NTNG1: variants seen among roughly 807,000 people sequenced by gnomAD.
NTNG1 encodes netrin-G1.
A neutral mutation model predicts 54.0 loss-of-function variants in NTNG1; 16 were observed. The observed-to-expected ratio is 0.30, with a 90% CI of 0.20 to 0.45. The LOEUF is 0.45. NTNG1 is among the 20% of genes least tolerant of loss of function. The pLI is 1.00. For synonymous variants in NTNG1, 255 were observed against 263.1 expected (o/e 0.97, Z 0.30); for missense variants, 530 against 678.7 (o/e 0.78, Z 2.43).
Position 107,369,371 on chromosome 1 carries a change from A to G in NTNG1, c.888-25783A>G, listed in dbSNP as rs577197920. ...TACGTTACATTCGCACTCACAGTGT[A>G]TGAGAGTTCCAGTTCCTCCACATCC... On this transcript the variant is annotated intron_variant, in intron 3 of 7. Coordinates refer to ENST00000370068, the MANE Select transcript of NTNG1 (RefSeq NM_001113226.3). Among the ~76,000 whole-genome samples the G allele has an allele frequency of 3.9e-5, 6 of 152,286 alleles. No individual in the cohort carries two copies. In the East Asian group the frequency reaches 1.2e-3, roughly 29 times the overall value.
At chr1:107,346,884 T>TAAAAAAAAAAAAAAAAAAAAAAA (rs537482440) in intron 3 of NTNG1, among the ~76,000 whole-genome samples, 1 of 97,142 alleles carries the variant, frequency 1.0e-5, no homozygotes, top group African/African-American at 3.9e-5. Flanking sequence ...TTTTCTATCC[T>TAAAAAAAAAAAAAAAAAAAAAAA]AAAAAAAAAA....
At chr1:107,248,860 A>G (rs1371012083) in intron 2 of NTNG1, among the ~76,000 whole-genome samples, 1 of 151,982 alleles carries the variant, frequency 6.6e-6, no homozygotes, top group Non-Finnish European at 1.5e-5. Flanking sequence ...TTGAAATGTA[A>G]AAGTTAGGCC....
At chr1:107,216,136 A>G (rs1401222766) in intron 2 of NTNG1, among the ~76,000 whole-genome samples, 1 of 152,106 alleles carries the variant, frequency 6.6e-6, no homozygotes, top group African/African-American at 2.4e-5. Flanking sequence ...GATGCCCCTT[A>G]TTTCTTTCTC....
chr1:107,330,187 C>T (rs1447646231), intron 3 of NTNG1, among the ~76,000 whole-genome samples: 1 of 152,044 alleles, frequency 6.6e-6, no homozygotes, highest in African/African-American at 2.4e-5. Context: ...AGATGTTCTA[C>T]CATCTTCCCT....
At chr1:107,227,378 C>A (rs1660755816) in intron 2 of NTNG1, among the ~76,000 whole-genome samples, 1 of 152,106 alleles carries the variant, frequency 6.6e-6, no homozygotes, top group African/African-American at 2.4e-5. Context: ...TAGGACTCAA[C>A]CTTGAGCTGG....
intron 7 of NTNG1, among the ~76,000 whole-genome samples, chr1:107,465,185 C>G (rs1677524937): frequency 6.6e-6 from 1 of 152,066 alleles, no homozygotes; most frequent in African/African-American, 2.4e-5. Flanking sequence ...ATGCAGAAGC[C>G]ACGTGAAAAA....
chr1:107,474,333 A>T (rs577375074), intron 7 of NTNG1, among the ~76,000 whole-genome samples: 6 of 152,220 alleles, frequency 3.9e-5, no homozygotes, highest in Non-Finnish European at 5.9e-5. Flanking sequence ...CCAAGTAAAA[A>T]GTGTGATCAC....
chr1:107,480,737 G>A lies in NTNG1; in HGVS notation c.1517G>A (p.Gly506Asp). 7 of 1,609,322 alleles carry A rather than the reference G, an allele frequency of 4.3e-6. No homozygotes were observed. The highest frequency in any genetic ancestry group is 5.9e-6 in the Non-Finnish European group (7 of 1,179,224). ...GAGAAGCTGCGGTGCGAGGAGGCTG[G>A]CAGCTGCGGCTCCGACTCTGGCCAG... ...LCEKLRCEEAGSCGSDSGQGA... is the reference protein window; with the variant it reads ...LCEKLRCEEADSCGSDSGQGA... The change falls in exon 8 of 8, where the codon GGC (glycine) becomes GAC (aspartate). Residue 506 changes from glycine (G) to aspartate (D), a missense_variant. Coordinates refer to ENST00000370068, the MANE Select transcript of NTNG1 (RefSeq NM_001113226.3).
chr1:107,257,741 C>A (rs1663022672), intron 2 of NTNG1, among the ~76,000 whole-genome samples: 1 of 152,044 alleles, frequency 6.6e-6, no homozygotes, highest in Admixed American at 6.5e-5. Context: ...AGCCAGAGAC[C>A]CAGAGTAGGG....
At chr1:107,327,022 G>A (rs1034333323) in intron 3 of NTNG1, among the ~76,000 whole-genome samples, 1 of 152,096 alleles carries the variant, frequency 6.6e-6, no homozygotes, top group East Asian at 1.9e-4. Context: ...CATTTCAGTG[G>A]TTCTGAGGAG....
At chr1:107,172,736 A>G (rs1570759684) in intron 2 of NTNG1, among the ~76,000 whole-genome samples, 1 of 152,190 alleles carries the variant, frequency 6.6e-6, no homozygotes, top group Admixed American at 6.6e-5. Context: ...TTTGCCTTAC[A>G]TTATAGACTC....
intron 6 of NTNG1, among the ~76,000 whole-genome samples, chr1:107,432,463 G>T (rs1675329807): frequency 6.6e-6 from 1 of 152,182 alleles, no homozygotes; most frequent in African/African-American, 2.4e-5. Context: ...TATGGTATGT[G>T]TTTTGGATGA....
In NTNG1 at chr1:107,484,686, A is replaced by G. The variant is rs551256932; in HGVS notation, c.*3846A>G. 1.3e-5 allele frequency among the ~76,000 whole-genome samples: 2 copies of G among 152,338 alleles called. No homozygotes were observed. The highest frequency in any genetic ancestry group is 3.9e-4 in the East Asian group (2 of 5,176). On this transcript the variant is annotated 3_prime_UTR_variant, in exon 8 of 8. Coordinates refer to ENST00000370068, the MANE Select transcript of NTNG1 (RefSeq NM_001113226.3). ...CTTGGACCTGTGGTCTGACTGGAGT[A>G]TAAGAAATTTTGGATGCACTGGGGG...
At chr1:107,213,974 C>G (rs1659771129) in intron 2 of NTNG1, among the ~76,000 whole-genome samples, 1 of 152,080 alleles carries the variant, frequency 6.6e-6, no homozygotes, top group South Asian at 2.1e-4. Context: ...TACAATCCTT[C>G]ATCAGACATA....
At chr1:107,463,890 A>G (rs1677436310) in intron 7 of NTNG1, among the ~76,000 whole-genome samples, 1 of 152,212 alleles carries the variant, frequency 6.6e-6, no homozygotes, top group South Asian at 2.1e-4. Context: ...TCACTTTTAG[A>G]TACATTTTCA....
At chr1:107,231,312 G>A (rs866730382) in intron 2 of NTNG1, among the ~76,000 whole-genome samples, 27 of 152,276 alleles carry the variant, frequency 1.8e-4, no homozygotes, top group Non-Finnish European at 2.6e-4. Context: ...TCTCAGTACT[G>A]GATGTAGCCT....
At chr1:107,330,978 C>T (rs4359052) in intron 3 of NTNG1, 115,523 of 151,966 alleles carry the variant, frequency 0.76, 46,437 homozygotes, top group Non-Finnish European at 0.9. Flanking sequence ...AGTAATAATC[C>T]TTTAAATTTG....
chr1:107,425,970 G>A (rs1280119995), intron 5 of NTNG1, among the ~76,000 whole-genome samples: 1 of 151,938 alleles, frequency 6.6e-6, no homozygotes, highest in Non-Finnish European at 1.5e-5. Flanking sequence ...TTGGCTACTT[G>A]TATGTCTTCT....
At chr1:107,413,000 T>C (rs931658388) in intron 5 of NTNG1, among the ~76,000 whole-genome samples, 1 of 152,108 alleles carries the variant, frequency 6.6e-6, no homozygotes, top group African/African-American at 2.4e-5. Context: ...GTTTTCCCCA[T>C]CTGTTTAATG....
Sources: allele counts gnomAD v4.1 joint callset (sites outside exome capture counted in the v4.1 genomes callset), GRCh38; gene constraint gnomAD v4.1.1; transcripts MANE v1.5; gene names NCBI Gene and HGNC (gene_info 2026-07-23, HGNC 2026-07-21).